PDE6A: variants seen among roughly 807,000 people sequenced by gnomAD.
The protein encoded by PDE6A is rod cGMP-specific 3',5'-cyclic phosphodiesterase subunit alpha.
A neutral mutation model predicts 106.3 loss-of-function variants in PDE6A; 84 were observed. The observed-to-expected ratio is 0.79, with a 90% confidence interval of 0.66 to 0.95. PDE6A has a LOEUF of 0.95. PDE6A is among the 40% of genes least tolerant of loss of function. The probability of loss-of-function intolerance (pLI) is 0.00; values close to 1 mark genes in which losing one functional copy is unlikely to be tolerated. For missense variants in PDE6A, 1,052 were observed against 1,084.9 expected, an observed-to-expected ratio of 0.97 and a Z score of 0.43; for synonymous variants, 394 against 386.6, an observed-to-expected ratio of 1.02 and a Z score of -0.23.
At chr5:149,936,687 A>C (rs896907985) in intron 1 of PDE6A, among the ~76,000 whole-genome samples, 1 of 152,242 alleles carries the variant, frequency 6.6e-6, no homozygotes, top group East Asian at 1.9e-4. Context: ...CAGCATATAA[A>C]GTGTTCTAAA....
At chr5:149,912,124 A>G (rs1303271906) in intron 6 of PDE6A, among the ~76,000 whole-genome samples, 1 of 151,650 alleles carries the variant, frequency 6.6e-6, no homozygotes, top group Non-Finnish European at 1.5e-5. Flanking sequence ...TCTCTTTTTT[A>G]GTGAAAGTGT....
chr5:149,897,124 A>G (rs1438022711), intron 10 of PDE6A, among the ~76,000 whole-genome samples: 1 of 152,264 alleles, frequency 6.6e-6, no homozygotes, highest in Non-Finnish European at 1.5e-5. Context: ...CATATAAAGC[A>G]CTTAGCACAG....
chr5:149,940,170 T>C (rs1159241858), intron 1 of PDE6A: 1 of 152,198 alleles, frequency 6.6e-6, no homozygotes, highest in African/African-American at 2.4e-5. Context: ...CCTGAGCAAG[T>C]TACCAAAACT....
intron 4 of PDE6A, among the ~76,000 whole-genome samples, chr5:149,928,231 ATTTT>A (rs1165259453): frequency 1.0e-4 from 2 of 19,754 alleles, no homozygotes; most frequent in Non-Finnish European, 1.7e-4. Flanking sequence ...ATATATATAT[ATTTT>A]TTTTTTTTTT....
intron 16 of PDE6A, among the ~76,000 whole-genome samples, 171 bp downstream of exon 16, chr5:149,884,308 G>A (rs187151082): frequency 6.9e-6 from 1 of 145,500 alleles, no homozygotes; most frequent in Non-Finnish European, 1.5e-5. Context: ...GTATATATGT[G>A]TATATATGTA....
chr5:149,868,184 A>G lies in PDE6A; in HGVS notation c.2136-26T>C. ...CTGGGCACACAGGACACCCTCTATC[A>G]GTCCAGGGCCATTTAAGACTTCATG... is the stretch of plus-strand genomic sequence containing the variant. On this transcript the variant is annotated intron_variant, in intron 17 of 21. Transcript: ENST00000255266. 1.9e-6 allele frequency: 3 copies of G among 1,608,990 alleles called. 1 individual carries two copies. The highest frequency in any genetic ancestry group is 2.2e-5 in the South Asian group (2 of 90,986).
At chr5:149,907,497 C>G in intron 6 of PDE6A, 119 bp from the exon 7 acceptor site, 3 of 775,060 alleles carry the variant, frequency 3.9e-6, no homozygotes, top group Non-Finnish European at 4.6e-6. Flanking sequence ...TGCTTACATT[C>G]ACTACACCTG....
chr5:149,860,869 G>A lies in PDE6A; in HGVS notation c.*26C>T, dbSNP rs749365205. The A allele has an allele frequency of 1.8e-5, 29 of 1,600,860 alleles. 1 individual carries two copies. Among genetic ancestry groups the A allele is most frequent in the African/African-American group, 8.0e-5 (6 of 74,662 alleles). On this transcript the variant is annotated 3_prime_UTR_variant, in exon 22 of 22. Coordinates refer to ENST00000255266, the MANE Select transcript of PDE6A (RefSeq NM_000440.3). The stretch of plus-strand genomic sequence containing the variant: ...TCTCTTCCCAGGAAAGGGTGGTGCC[G>A]TCCAGCCAGCACATCCCCAGTGGTG...
At position 149,931,066 on chromosome 5, in the gene PDE6A, T is replaced by C. The variant is rs942365236; in HGVS notation, c.820A>G (p.Arg274Gly). 6.8e-6 allele frequency: 11 copies of C among 1,614,132 alleles called. No homozygotes were observed. In the East Asian group the frequency reaches 8.9e-5, roughly 13 times the overall value. Residue 274 changes from arginine to glycine, a missense_variant, in exon 4 of 22, where the codon AGA (arginine) becomes GGA (glycine). Arg to Gly is a moderately radical substitution (Grantham distance 125). Transcript: ENST00000255266. ...YTVRAFLNCD[R>G]YSVGLLDMTK... ...ATGTCTAAGAGACCCACAGAGTATC[T>C]GTCACAGTTGAGGAAAGCACGGACT...
intron 8 of PDE6A, 91 bp from the exon 9 acceptor site, chr5:149,899,615 G>T: frequency 7.8e-7 from 1 of 1,278,518 alleles, no homozygotes; most frequent in Non-Finnish European, 1.1e-6. Context: ...ACCCTGATTG[G>T]CTGAGAGGAG....
intron 1 of PDE6A, 135 bp from the exon 2 acceptor site, chr5:149,934,853 T>C: frequency 1.2e-6 from 1 of 836,914 alleles, no homozygotes; most frequent in East Asian, 2.6e-5. Context: ...AAATCAGAGA[T>C]GACATCTGTC....
At position 149,903,628 on chromosome 5, in the gene PDE6A, G is replaced by A. The variant is rs1356727800; in HGVS notation, c.1113+20C>T. 6.3e-7 allele frequency: 1 copy of A among 1,599,526 alleles called. No homozygotes were observed. Among genetic ancestry groups the A allele is most frequent in the Non-Finnish European group, 8.6e-7 (1 of 1,166,820 alleles). On this transcript the variant is annotated intron_variant, in intron 8 of 21. Coordinates refer to ENST00000255266, the MANE Select transcript of PDE6A (RefSeq NM_000440.3). Reference sequence around the variant, plus strand: ...GAAAAAAAATCATATGACTAAGACTGCAAATAAAAAATGACTTACCTGAAA... The same window carrying A: ...GAAAAAAAATCATATGACTAAGACTACAAATAAAAAATGACTTACCTGAAA...
At chr5:149,917,081 C>G (rs1753580270) in intron 5 of PDE6A, among the ~76,000 whole-genome samples, 1 of 148,472 alleles carries the variant, frequency 6.7e-6, no homozygotes, top group Non-Finnish European at 1.5e-5. Context: ...GAGTCTTGCT[C>G]TGTCGCCCAA....
In PDE6A at chr5:149,859,774, G is replaced by A. The variant is rs1760065071; in HGVS notation, c.*1121C>T. 1 of 152,342 alleles carries A rather than the reference G, an allele frequency of 6.6e-6. No homozygotes were observed. Among genetic ancestry groups the A allele is most frequent in the African/African-American group, 2.4e-5 (1 of 41,458 alleles). 9.4% of individuals were successfully genotyped at this position (152,342 alleles called of 1,614,324 possible). A position where few individuals can be genotyped will look rare whatever the true frequency, so the allele number is the denominator to read the frequency against. Reference sequence around the variant, plus strand: ...CTTGGGGTCTGTGCAGCCCATCAAAGCATAGATCACAGCTGGGTATTAGGC... The same window carrying A: ...CTTGGGGTCTGTGCAGCCCATCAAAACATAGATCACAGCTGGGTATTAGGC... On this transcript the variant is annotated 3_prime_UTR_variant, in exon 22 of 22. Transcript: ENST00000255266.
intron 4 of PDE6A, among the ~76,000 whole-genome samples, chr5:149,929,090 C>A (rs1753950591): frequency 6.6e-6 from 1 of 152,108 alleles, no homozygotes; most frequent in Non-Finnish European, 1.5e-5. Context: ...TCTACTAAAG[C>A]TAATACTCTG....
At chr5:149,883,340 G>C in intron 17 of PDE6A, 89 bp downstream of exon 17, 1 of 863,000 alleles carries the variant, frequency 1.2e-6, no homozygotes, top group Non-Finnish European at 2.0e-6. Context: ...TAGTCCCAAG[G>C]CTTGTTGAGG....
intron 8 of PDE6A, among the ~76,000 whole-genome samples, chr5:149,902,493 T>C (rs1342222758): frequency 7.2e-6 from 1 of 138,890 alleles, no homozygotes; most frequent in Non-Finnish European, 1.5e-5. Context: ...ATATCTTCCA[T>C]GAAACATTTG....
chr5:149,883,610 G>A lies in PDE6A; in HGVS notation c.2028-74C>T, dbSNP rs116375357. 1.1e-3 allele frequency: 1,088 copies of A among 960,606 alleles called. 10 individuals carry two copies. In the African/African-American group the frequency reaches 0.014, roughly 13 times the overall value. 59.5% of individuals were successfully genotyped at this position (960,606 alleles called of 1,614,324 possible). A position where few individuals can be genotyped will look rare whatever the true frequency, so the allele number is the denominator to read the frequency against. ...AACACCTGAGCTGCTAACATTGGCT[G>A]ATTCAGATGGAGCCTTATTAAATCA... On this transcript the variant is annotated intron_variant, in intron 16 of 21. Coordinates refer to ENST00000255266, the MANE Select transcript of PDE6A (RefSeq NM_000440.3).
intron 16 of PDE6A, among the ~76,000 whole-genome samples, chr5:149,884,227 T>G (rs1006608806): frequency 7.1e-6 from 1 of 140,966 alleles, no homozygotes; most frequent in East Asian, 2.0e-4. Context: ...CACACACACA[T>G]ATATATGTGT....
Sources: gnomAD v4.1 joint callset for allele counts (sites outside exome capture counted in the v4.1 genomes callset) on GRCh38, gnomAD v4.1.1 for gene constraint, MANE v1.5 for transcripts, NCBI Gene and HGNC (gene_info 2026-07-23, HGNC 2026-07-21) for gene names.